RGS6: variants seen among roughly 807,000 people sequenced by gnomAD.
RGS6 encodes the protein regulator of G-protein signaling 6.
A neutral mutation model predicts 78.5 loss-of-function variants in RGS6; 30 were observed. The observed-to-expected ratio is 0.38, with a 90% CI of 0.29 to 0.52. The LOEUF (loss-of-function observed/expected upper bound fraction) is 0.52, where lower values mean the gene tolerates loss of function less well. Ranked by LOEUF, RGS6 falls within the 20% of genes least tolerant of loss-of-function variation. The pLI is 0.85. For missense variants in RGS6, 495 were observed against 609.7 expected (o/e 0.81, Z 1.98); for synonymous variants, 206 against 206.0 (o/e 1.00, Z 0.00).
chr14:71,992,158 A>G (rs567515789), intron 2 of RGS6, among the ~76,000 whole-genome samples: 2 of 152,000 alleles, frequency 1.3e-5, no homozygotes, highest in South Asian at 4.2e-4. Context: ...AGCCTCCTGA[A>G]TAGCTGGGAC....
chr14:72,062,053 A>G (rs1400078877), intron 2 of RGS6, among the ~76,000 whole-genome samples: 5 of 152,238 alleles, frequency 3.3e-5, no homozygotes, highest in African/African-American at 1.2e-4. Context: ...GATGAGAGTT[A>G]TAAAGACAAA....
intron 2 of RGS6, among the ~76,000 whole-genome samples, chr14:72,210,970 T>G (rs1265854097): frequency 6.6e-6 from 1 of 152,224 alleles, no homozygotes; most frequent in Non-Finnish European, 1.5e-5. Flanking sequence ...AAATGGCCAA[T>G]GTGACATTTT....
intron 2 of RGS6, among the ~76,000 whole-genome samples, chr14:72,122,914 T>C (rs1444929769): frequency 6.6e-6 from 1 of 152,194 alleles, no homozygotes; most frequent in Non-Finnish European, 1.5e-5. Context: ...TCTTTCATCA[T>C]TAAGATAAGA....
rs183785579 is a variant in RGS6, at chr14:72,414,594, G to A, written c.185-39934G>A. Among the ~76,000 whole-genome samples the A allele has an allele frequency of 2.0e-4, 31 of 152,262 alleles. No homozygotes were observed. The East Asian group carries it at 4.1e-3, about 20-fold the overall frequency. On this transcript the variant is annotated intron_variant, in intron 3 of 17. Transcript: ENST00000553525. Reference sequence around the variant, plus strand: ...GTCATTCTCCGTCCAGCTGTGTTCCGTTGCTGGTGAGGAGCTGCATTCCTT... The same window carrying A: ...GTCATTCTCCGTCCAGCTGTGTTCCATTGCTGGTGAGGAGCTGCATTCCTT...
chr14:72,286,708 G>A (rs746908877), intron 2 of RGS6, among the ~76,000 whole-genome samples: 1 of 151,974 alleles, frequency 6.6e-6, no homozygotes, highest in Non-Finnish European at 1.5e-5. Flanking sequence ...CAGTTTCAGT[G>A]AATAATCTTA....
the RGS6 span, among the ~76,000 whole-genome samples, chr14:72,585,758 C>A: frequency 1.1e-4 from 16 of 152,338 alleles, no homozygotes; most frequent in East Asian, 2.9e-3. Flanking sequence ...TCCTTAACTT[C>A]TTTTCCCTTT....
At chr14:72,359,385 G>C (rs963099183) in intron 3 of RGS6, among the ~76,000 whole-genome samples, 1 of 152,126 alleles carries the variant, frequency 6.6e-6, no homozygotes, top group African/African-American at 2.4e-5. Context: ...AGGGGTTGGG[G>C]TGGGGGGCAG....
At chr14:71,991,450 T>C (rs1271979711) in intron 2 of RGS6, among the ~76,000 whole-genome samples, 2 of 152,366 alleles carry the variant, frequency 1.3e-5, no homozygotes, top group Middle Eastern at 3.4e-3. Context: ...CGTTCTGTTT[T>C]TACCATTAAA....
chr14:72,296,042 C>G (rs892177446), intron 2 of RGS6, among the ~76,000 whole-genome samples: 3 of 152,228 alleles, frequency 2.0e-5, no homozygotes, highest in Non-Finnish European at 4.4e-5. Flanking sequence ...CACCCAGAAG[C>G]AATCACAGAT....
chr14:72,332,424 G>A (rs2075253517), intron 2 of RGS6, among the ~76,000 whole-genome samples: 1 of 152,200 alleles, frequency 6.6e-6, no homozygotes, highest in African/African-American at 2.4e-5. Flanking sequence ...GAGAAAAAGG[G>A]AAAGCAGTGA....
intron 2 of RGS6, among the ~76,000 whole-genome samples, chr14:72,053,334 G>C (rs975671842): frequency 1.3e-5 from 2 of 151,636 alleles, no homozygotes; most frequent in Admixed American, 6.6e-5. Context: ...TGGCCAGGCT[G>C]GTCTCGATCT....
At chr14:72,238,092 C>T (rs138187471) in intron 2 of RGS6, among the ~76,000 whole-genome samples, 10 of 152,128 alleles carry the variant, frequency 6.6e-5, no homozygotes, top group East Asian at 1.9e-4. Flanking sequence ...GGGGATGGTG[C>T]GGGAAGAAGG....
intron 2 of RGS6, among the ~76,000 whole-genome samples, chr14:72,120,018 G>T (rs556856552): frequency 4.6e-5 from 7 of 152,306 alleles, no homozygotes; most frequent in African/African-American, 1.7e-4. Flanking sequence ...AGATGTATTG[G>T]AGATTGTCCT....
At chr14:72,301,524 T>G (rs895668992) in intron 2 of RGS6, among the ~76,000 whole-genome samples, 2 of 152,162 alleles carry the variant, frequency 1.3e-5, no homozygotes, top group Non-Finnish European at 2.9e-5. Context: ...CATAGGAAAC[T>G]ATCCTGGTCA....
intron 2 of RGS6, among the ~76,000 whole-genome samples, chr14:71,989,250 C>A (rs1468711691): frequency 6.6e-6 from 1 of 152,236 alleles, no homozygotes. Flanking sequence ...CCTGGGCCTC[C>A]CCTGTAAGTG....
At chr14:72,331,771 A>T (rs569603294) in intron 2 of RGS6, among the ~76,000 whole-genome samples, 1 of 152,230 alleles carries the variant, frequency 6.6e-6, no homozygotes, top group East Asian at 1.9e-4. Flanking sequence ...CATGGAGGAG[A>T]GGAAGGGAAG....
At chr14:72,372,874 C>G (rs764534238) in intron 3 of RGS6, among the ~76,000 whole-genome samples, 1 of 152,156 alleles carries the variant, frequency 6.6e-6, no homozygotes, top group Non-Finnish European at 1.5e-5. Context: ...GGGCCATTTG[C>G]CAGAGTTTGT....
intron 2 of RGS6, among the ~76,000 whole-genome samples, chr14:72,177,809 C>T (rs959654846): frequency 1.3e-5 from 2 of 152,270 alleles, no homozygotes; most frequent in African/African-American, 2.4e-5. Context: ...AGGAGAAAAT[C>T]GCATGGAATT....
the RGS6 span, among the ~76,000 whole-genome samples, chr14:71,923,736 C>T: frequency 6.4e-4 from 97 of 152,036 alleles, no homozygotes; most frequent in Non-Finnish European, 1.2e-3. Context: ...CTAGAAAAAG[C>T]GAAACCATAG....
Sources: allele counts gnomAD v4.1 joint callset (sites outside exome capture counted in the v4.1 genomes callset), GRCh38; gene constraint gnomAD v4.1.1; transcripts MANE v1.5; gene names NCBI Gene and HGNC (gene_info 2026-07-23, HGNC 2026-07-21).